Variants in MACROD2 observed in about 807,000 individuals in gnomAD.
The protein encoded by MACROD2 is mono-ADP ribosylhydrolase 2.
MACROD2 carries 36 observed loss-of-function variants against 70.4 expected under a neutral mutation model. That is an observed-to-expected ratio of 0.51 (90% CI 0.39 to 0.68). The LOEUF (loss-of-function observed/expected upper bound fraction) is 0.68. MACROD2 is among the 30% of genes least tolerant of loss of function. The probability of loss-of-function intolerance (pLI) is 0.00; values close to 1 mark genes in which losing one functional copy is unlikely to be tolerated. For missense variants in MACROD2, 496 were observed against 538.4 expected, an observed-to-expected ratio of 0.92 and a Z score of 0.78; for synonymous variants, 172 against 178.8, an observed-to-expected ratio of 0.96 and a Z score of 0.30.
intron 5 of MACROD2, among the ~76,000 whole-genome samples, chr20:15,037,881 G>T (rs941137609): frequency 6.6e-6 from 1 of 151,926 alleles, no homozygotes; most frequent in Non-Finnish European, 1.5e-5. Flanking sequence ...CAGTATGAGA[G>T]TATAGTAAAT....
At chr20:15,169,470 G>A (rs2145885949) in intron 5 of MACROD2, among the ~76,000 whole-genome samples, 1 of 152,200 alleles carries the variant, frequency 6.6e-6, no homozygotes, top group Middle Eastern at 3.4e-3. Flanking sequence ...TTGGCTAAGG[G>A]GCCACCGTTT....
At chr20:14,208,647 A>C (rs1471730199) in intron 3 of MACROD2, among the ~76,000 whole-genome samples, 1 of 152,192 alleles carries the variant, frequency 6.6e-6, no homozygotes, top group Non-Finnish European at 1.5e-5. Flanking sequence ...TAACAAAAGT[A>C]GTTGTTGATC....
intron 3 of MACROD2, among the ~76,000 whole-genome samples, chr20:14,204,389 G>C (rs926006172): frequency 6.6e-6 from 1 of 152,172 alleles, no homozygotes; most frequent in African/African-American, 2.4e-5. Flanking sequence ...GAGATGTGGA[G>C]ATGCAGGAGC....
intron 9 of MACROD2, among the ~76,000 whole-genome samples, chr20:15,873,427 T>C (rs1412880603): frequency 6.6e-6 from 1 of 152,224 alleles, no homozygotes; most frequent in Non-Finnish European, 1.5e-5. Context: ...TTCATTTATT[T>C]TATTACTAAT....
At chr20:14,775,702 C>T (rs994924963) in intron 5 of MACROD2, among the ~76,000 whole-genome samples, 3 of 151,924 alleles carry the variant, frequency 2.0e-5, no homozygotes, top group African/African-American at 7.3e-5. Flanking sequence ...GGGATATGAA[C>T]CTAGGTCTGC....
chr20:14,608,279 G>C (rs146715530), intron 4 of MACROD2, among the ~76,000 whole-genome samples: 1 of 152,068 alleles, frequency 6.6e-6, no homozygotes, highest in African/African-American at 2.4e-5. Context: ...AATAAATAAA[G>C]TTAACAGGAA....
intron 8 of MACROD2, among the ~76,000 whole-genome samples, chr20:15,671,566 A>G (rs1056903436): frequency 2.0e-5 from 3 of 152,302 alleles, no homozygotes; most frequent in Admixed American, 6.5e-5. Context: ...TTAATGGAAA[A>G]AAGTTTGAAA....
intron 5 of MACROD2, among the ~76,000 whole-genome samples, chr20:15,176,688 C>T (rs1439748597): frequency 6.6e-6 from 1 of 152,132 alleles, no homozygotes; most frequent in Non-Finnish European, 1.5e-5. Flanking sequence ...TCTCATTCTT[C>T]CTGGATGTGG....
At chr20:14,432,102 AT>A (rs1222892641) in intron 3 of MACROD2, among the ~76,000 whole-genome samples, 2 of 152,132 alleles carry the variant, frequency 1.3e-5, no homozygotes, top group Non-Finnish European at 1.5e-5. Flanking sequence ...TAAAATTCAA[AT>A]TCCTCCTTAG....
At chr20:16,017,985 G>A (rs1222306649) in intron 15 of MACROD2, among the ~76,000 whole-genome samples, 3 of 152,078 alleles carry the variant, frequency 2.0e-5, no homozygotes, top group Non-Finnish European at 2.9e-5. Context: ...CTGCCCCACC[G>A]TCTCCTACAC....
In MACROD2 at chr20:14,273,557, T is replaced by G. The variant is rs59790969; in HGVS notation, c.271+187829T>G. Among the ~76,000 whole-genome samples, 12 of 144,500 alleles carry G rather than the reference T, an allele frequency of 8.3e-5. No homozygotes were observed. In the East Asian group the frequency reaches 2.4e-3, roughly 29 times the overall value. 94.8% of individuals were successfully genotyped at this position (144,500 alleles called of 152,430 possible). On this transcript the variant is annotated intron_variant, in intron 3 of 17. Coordinates refer to ENST00000684519, the MANE Select transcript of MACROD2 (RefSeq NM_001351661.2). ...AGAGAAAGCAGGAAAGATCCAAAAT[T>G]GACACCCTAACATCACAATTAAAAG...
chr20:14,992,572 G>A (rs2074914439), intron 5 of MACROD2, among the ~76,000 whole-genome samples: 1 of 152,040 alleles, frequency 6.6e-6, no homozygotes, highest in African/African-American at 2.4e-5. Context: ...ATGTGATATG[G>A]CCTTTAAGAT....
chr20:14,344,109 A>G (rs559086185), intron 3 of MACROD2, among the ~76,000 whole-genome samples: 1 of 152,314 alleles, frequency 6.6e-6, no homozygotes, highest in Admixed American at 6.5e-5. Context: ...GTACATTAAC[A>G]TGCTTAATGT....
chr20:15,857,309 A>G (rs1202194628), intron 8 of MACROD2, among the ~76,000 whole-genome samples: 1 of 152,222 alleles, frequency 6.6e-6, no homozygotes, highest in East Asian at 1.9e-4. Context: ...GAAGTAGGAA[A>G]GCTGCATGCA....
At chr20:14,830,107 T>C (rs1008263443) in intron 5 of MACROD2, among the ~76,000 whole-genome samples, 11 of 152,138 alleles carry the variant, frequency 7.2e-5, no homozygotes, top group African/African-American at 2.7e-4. Context: ...TAAGATGCAA[T>C]GGGTTTCTAG....
At chr20:14,147,714 G>T (rs993983664) in intron 3 of MACROD2, among the ~76,000 whole-genome samples, 2 of 152,180 alleles carry the variant, frequency 1.3e-5, no homozygotes, top group Non-Finnish European at 2.9e-5. Context: ...GGCGTGCATG[G>T]ACAGACTTTC....
chr20:15,838,616 A>C (rs916510400), intron 8 of MACROD2, among the ~76,000 whole-genome samples: 1 of 152,172 alleles, frequency 6.6e-6, no homozygotes, highest in African/African-American at 2.4e-5. Context: ...GAAGAGATTG[A>C]CCAGTGTTGC....
intron 5 of MACROD2, among the ~76,000 whole-genome samples, chr20:15,192,320 T>A (rs2076577755): frequency 6.6e-6 from 1 of 152,220 alleles, no homozygotes; most frequent in African/African-American, 2.4e-5. Context: ...CTCTGTCAAT[T>A]ACATTTTAAT....
intron 10 of MACROD2, among the ~76,000 whole-genome samples, chr20:15,929,854 C>G (rs2147310947): frequency 6.6e-6 from 1 of 152,230 alleles, no homozygotes; most frequent in South Asian, 2.1e-4. Flanking sequence ...TTCTTGCAAA[C>G]AGTACACATT....
Sources: allele counts gnomAD v4.1 joint callset (sites outside exome capture counted in the v4.1 genomes callset), GRCh38; gene constraint gnomAD v4.1.1; transcripts MANE v1.5; gene names NCBI Gene and HGNC (gene_info 2026-07-23, HGNC 2026-07-21).